Variants in COLEC12 observed in about 807,000 individuals in gnomAD.
COLEC12 encodes collectin-12.
Under a neutral mutation model 71.1 loss-of-function variants are expected in COLEC12, and 33 were observed. That is an observed-to-expected ratio of 0.46 (90% CI 0.35 to 0.62). The LOEUF (loss-of-function observed/expected upper bound fraction) is 0.62, where lower values mean the gene tolerates loss of function less well. COLEC12 is among the 20% of genes least tolerant of loss of function. The pLI is 0.00. For missense variants in COLEC12, 765 were observed against 916.1 expected (o/e 0.84, Z 2.13); for synonymous variants, 350 against 353.0 (o/e 0.99, Z 0.10).
intron 2 of COLEC12, among the ~76,000 whole-genome samples, chr18:380,992 A>T (rs1220858413): frequency 6.6e-6 from 1 of 152,036 alleles, no homozygotes; most frequent in African/African-American, 2.4e-5. Context: ...TTATTTCCAT[A>T]GATGTTAATT....
intron 1 of COLEC12, among the ~76,000 whole-genome samples, chr18:485,410 C>T (rs1471520): frequency 0.086 from 13,108 of 152,202 alleles, 653 homozygotes; most frequent in East Asian, 0.13. Context: ...CATCTGTCTG[C>T]GGGGAAGAAG....
At chr18:421,874 C>G (rs1916104821) in intron 2 of COLEC12, among the ~76,000 whole-genome samples, 3 of 152,194 alleles carry the variant, frequency 2.0e-5, no homozygotes, top group Admixed American at 2.0e-4. Context: ...GCATTTGGGT[C>G]ACACCAGCTG....
chr18:352,548 G>A (rs1294827543), intron 3 of COLEC12, among the ~76,000 whole-genome samples: 1 of 152,140 alleles, frequency 6.6e-6, no homozygotes, highest in Non-Finnish European at 1.5e-5. Context: ...TTTCTTCTGT[G>A]CAGCAAAAGG....
chr18:492,833 TTTTGAG>T (rs1426946532), intron 1 of COLEC12, among the ~76,000 whole-genome samples: 4 of 152,202 alleles, frequency 2.6e-5, no homozygotes, highest in Non-Finnish European at 4.4e-5. Context: ...TGGACCAACG[TTTTGAG>T]TTTAAGAGAC....
At chr18:487,439 T>A (rs568011826) in intron 1 of COLEC12, among the ~76,000 whole-genome samples, 1 of 152,286 alleles carries the variant, frequency 6.6e-6, no homozygotes, top group South Asian at 2.1e-4. Flanking sequence ...AAACATTGAA[T>A]TGTACACGTT....
chr18:333,345 C>T (rs1406001507), intron 6 of COLEC12: 1 of 482,714 alleles, frequency 2.1e-6, no homozygotes, highest in Admixed American at 3.9e-5. Flanking sequence ...GCCAAAACCA[C>T]ATAATCTGGA....
At chr18:370,785 C>T (rs1426654810) in intron 2 of COLEC12, among the ~76,000 whole-genome samples, 4 of 152,128 alleles carry the variant, frequency 2.6e-5, no homozygotes, top group African/African-American at 9.7e-5. Flanking sequence ...AGAGCTCTTC[C>T]TGCCTGGGGC....
rs33915278 is a variant in COLEC12 at position 455,278 on chromosome 18, C to CTTTTTTTT, written c.58+25421_58+25428dup. On this transcript the variant is annotated intron_variant, in intron 2 of 9. Coordinates refer to ENST00000400256, the MANE Select transcript of COLEC12 (RefSeq NM_130386.3). ...TATTTTTGTTTTGTTTTATTTTACGCTTTTTTTTTTTTTTTTTGAGACAGA... is the reference window on the plus strand; with the variant it reads ...TATTTTTGTTTTGTTTTATTTTACGCTTTTTTTTTTTTTTTTTTTTTTTTTGAGACAGA... 1.5e-5 allele frequency among the ~76,000 whole-genome samples: 2 copies of CTTTTTTTT among 132,484 alleles called. 1 individual carries two copies. The allele number at this position is 132,484 out of a possible 152,430, so 86.9% of individuals were successfully genotyped here.
intron 2 of COLEC12, among the ~76,000 whole-genome samples, chr18:453,845 C>T (rs560989566): frequency 6.6e-6 from 1 of 152,278 alleles, no homozygotes; most frequent in Non-Finnish European, 1.5e-5. Context: ...AGCTCAAGCA[C>T]CTAAAAGTCA....
chr18:412,622 T>C (rs1047300270), intron 2 of COLEC12, among the ~76,000 whole-genome samples: 1 of 133,554 alleles, frequency 7.5e-6, no homozygotes, highest in Non-Finnish European at 1.7e-5. Flanking sequence ...AGGCAAAAAT[T>C]ATAAAACTGG....
At chr18:490,800 C>T (rs1917606193) in intron 1 of COLEC12, among the ~76,000 whole-genome samples, 1 of 152,182 alleles carries the variant, frequency 6.6e-6, no homozygotes. Context: ...CCAACAAATG[C>T]CAAACCAAAC....
chr18:460,525 C>T (rs1394824380), intron 2 of COLEC12, among the ~76,000 whole-genome samples: 1 of 152,136 alleles, frequency 6.6e-6, no homozygotes. Context: ...TAGTAGTAAC[C>T]TCATGTCCAG....
intron 2 of COLEC12, among the ~76,000 whole-genome samples, chr18:431,840 G>C (rs1263182340): frequency 6.6e-6 from 1 of 152,186 alleles, no homozygotes; most frequent in Non-Finnish European, 1.5e-5. Flanking sequence ...AATAAGTGTA[G>C]CCACTTATTG....
intron 2 of COLEC12, among the ~76,000 whole-genome samples, chr18:383,759 G>A (rs1028864171): frequency 6.6e-6 from 1 of 151,990 alleles, no homozygotes; most frequent in African/African-American, 2.4e-5. Flanking sequence ...CCATTCTCAG[G>A]CTGCTAATAC....
chr18:469,547 T>C (rs1434712054), intron 2 of COLEC12, among the ~76,000 whole-genome samples: 1 of 152,158 alleles, frequency 6.6e-6, no homozygotes, highest in Non-Finnish European at 1.5e-5. Context: ...CTTGCTTCTA[T>C]TTCTCAACAA....
chr18:327,079 C>A lies in COLEC12; in HGVS notation c.2063+4589G>T, dbSNP rs1489316463. 6.6e-6 allele frequency among the ~76,000 whole-genome samples: 1 copy of A among 152,162 alleles called. No individual in the cohort carries two copies. On this transcript the variant is annotated intron_variant, in intron 8 of 9. Transcript: ENST00000400256. The surrounding 1 kb of genome is among the most constrained non-coding windows in gnomAD (Gnocchi z 4.0). ...TTCAAGATAATCCATCAAATGTTATCATGAGACTGTGGGCCAATGGACTCT... is the reference window on the plus strand; with the variant it reads ...TTCAAGATAATCCATCAAATGTTATAATGAGACTGTGGGCCAATGGACTCT...
chr18:487,431 AC>A (rs1221202448), intron 1 of COLEC12, among the ~76,000 whole-genome samples: 3 of 152,232 alleles, frequency 2.0e-5, no homozygotes, highest in African/African-American at 7.2e-5. Flanking sequence ...TAACAAAAAA[AC>A]ATTGAATTGT....
chr18:498,393 C>T (rs1431213371), intron 1 of COLEC12, among the ~76,000 whole-genome samples: 3 of 136,788 alleles, frequency 2.2e-5, no homozygotes, highest in Non-Finnish European at 4.6e-5. Context: ...GAGTCTCGCT[C>T]TTGTCACCCA....
intron 2 of COLEC12, among the ~76,000 whole-genome samples, chr18:383,902 T>C (rs1915287629): frequency 1.3e-5 from 2 of 152,156 alleles, no homozygotes; most frequent in Non-Finnish European, 2.9e-5. Flanking sequence ...ACATCTTACA[T>C]GGTGGCAGGC....
Sources: allele counts gnomAD v4.1 joint callset (sites outside exome capture counted in the v4.1 genomes callset), GRCh38; gene constraint gnomAD v4.1.1; non-coding constraint Gnocchi (gnomAD v3.1); transcripts MANE v1.5; gene names NCBI Gene and HGNC (gene_info 2026-07-23, HGNC 2026-07-21).